The following CTNNA2 variants were observed in gnomAD, a reference collection of about 807,000 sequenced individuals.
CTNNA2 encodes the protein catenin alpha-2.
A neutral mutation model predicts 101.0 loss-of-function variants in CTNNA2; 42 were observed. The observed-to-expected ratio is 0.42, with a 90% CI of 0.32 to 0.54. CTNNA2 has a LOEUF of 0.54. Among genes scored for constraint, CTNNA2 ranks in the 20% least tolerant of loss-of-function variants. CTNNA2 has a pLI of 0.14. For missense variants in CTNNA2, 871 were observed against 1,223.1 expected (o/e 0.71, Z 4.29); for synonymous variants, 450 against 456.4 (o/e 0.99, Z 0.18).
chr2:80,505,617 T>G (rs1688215486), intron 9 of CTNNA2, among the ~76,000 whole-genome samples: 1 of 152,194 alleles, frequency 6.6e-6, no homozygotes, highest in African/African-American at 2.4e-5. Flanking sequence ...AGGGGTGATA[T>G]CTAAAGTTCC....
intron 2 of CTNNA2, among the ~76,000 whole-genome samples, chr2:79,282,328 A>G (rs1675412441): frequency 6.6e-6 from 1 of 152,042 alleles, no homozygotes; most frequent in Non-Finnish European, 1.5e-5. Flanking sequence ...ACATATGTAT[A>G]CATGTGCCAT....
chr2:79,750,159 G>T (rs1206320068), intron 3 of CTNNA2, among the ~76,000 whole-genome samples: 1 of 152,172 alleles, frequency 6.6e-6, no homozygotes, highest in Non-Finnish European at 1.5e-5. Flanking sequence ...TTGAAGCTCT[G>T]GACCAAGGAA....
At chr2:80,208,691 T>C (rs958909114) in intron 7 of CTNNA2, among the ~76,000 whole-genome samples, 2 of 152,216 alleles carry the variant, frequency 1.3e-5, no homozygotes, top group Non-Finnish European at 2.9e-5. Flanking sequence ...CATAGCTATA[T>C]GATTTGTTCT....
At chr2:80,318,362 T>G (rs6755232) in intron 7 of CTNNA2, among the ~76,000 whole-genome samples, 2 of 152,056 alleles carry the variant, frequency 1.3e-5, no homozygotes, top group Non-Finnish European at 2.9e-5. Context: ...CCTTTATGCC[T>G]TCTAGTTTGA....
At chr2:80,626,990 T>G (rs1055228181) in intron 18 of CTNNA2, among the ~76,000 whole-genome samples, 3 of 152,144 alleles carry the variant, frequency 2.0e-5, no homozygotes, top group Non-Finnish European at 4.4e-5. Context: ...TGTGTTAGTT[T>G]GCTGAGAATG....
intron 2 of CTNNA2, among the ~76,000 whole-genome samples, chr2:79,284,746 C>G (rs1306040609): frequency 6.6e-6 from 1 of 150,700 alleles, no homozygotes; most frequent in Non-Finnish European, 1.5e-5. Context: ...CTCTGCCTGG[C>G]CTTGGTATCC....
intron 7 of CTNNA2, among the ~76,000 whole-genome samples, chr2:80,333,406 A>G (rs1430451605): frequency 6.6e-6 from 1 of 152,120 alleles, no homozygotes; most frequent in African/African-American, 2.4e-5. Flanking sequence ...GAGTACTTAT[A>G]GTTTGTTTAG....
At chr2:79,775,490 G>T (rs117482503) in intron 3 of CTNNA2, among the ~76,000 whole-genome samples, 1 of 152,098 alleles carries the variant, frequency 6.6e-6, no homozygotes, top group Non-Finnish European at 1.5e-5. Context: ...TAAGTTCAGG[G>T]GTACATGTGC....
intron 1 of CTNNA2, among the ~76,000 whole-genome samples, chr2:79,599,018 T>A (rs1437988868): frequency 6.6e-6 from 1 of 152,200 alleles, no homozygotes; most frequent in Non-Finnish European, 1.5e-5. Flanking sequence ...TTTTTTAATG[T>A]GAATATCCAG....
chr2:80,542,891 T>A (rs1317429479), intron 9 of CTNNA2, among the ~76,000 whole-genome samples: 1 of 151,614 alleles, frequency 6.6e-6, no homozygotes, highest in Non-Finnish European at 1.5e-5. Context: ...CCCCCCCACA[T>A]GCCACTTTGG....
intron 1 of CTNNA2, among the ~76,000 whole-genome samples, chr2:79,648,531 C>T (rs1353843782): frequency 6.6e-6 from 1 of 152,122 alleles, no homozygotes; most frequent in Non-Finnish European, 1.5e-5. Context: ...AGTAGCAGGA[C>T]ATGCAGGATG....
rs142895829 is a variant in CTNNA2, at chr2:79,981,523, C to G, written c.1056+71726C>G. ...AATAGGAAAGAACTATGATGTGACA[C>G]TGACACCTGTAACTCGCTAACAGAG... On this transcript the variant is annotated intron_variant, in intron 7 of 18. Coordinates refer to ENST00000402739, the MANE Select transcript of CTNNA2 (RefSeq NM_001282597.3). Among the ~76,000 whole-genome samples, 23 of 152,270 alleles carry G rather than the reference C, an allele frequency of 1.5e-4. No individual in the cohort carries two copies. In the East Asian group the frequency reaches 3.5e-3, roughly 23 times the overall value.
chr2:80,307,690 G>A (rs1558991264), intron 7 of CTNNA2, among the ~76,000 whole-genome samples: 2 of 152,144 alleles, frequency 1.3e-5, no homozygotes, highest in East Asian at 3.9e-4. Flanking sequence ...TGCTTTATAT[G>A]CTTTGAAAAT....
At chr2:79,191,768 G>A (rs1673874302) in intron 1 of CTNNA2, among the ~76,000 whole-genome samples, 1 of 152,164 alleles carries the variant, frequency 6.6e-6, no homozygotes. Context: ...GGCTAGGAAT[G>A]TTCATGAGGG....
chr2:79,801,537 A>G (rs913270657), intron 3 of CTNNA2, among the ~76,000 whole-genome samples: 1 of 152,106 alleles, frequency 6.6e-6, no homozygotes, highest in Non-Finnish European at 1.5e-5. Flanking sequence ...TGATGTTGAG[A>G]TGCATTTTTC....
rs756853344 is a variant in CTNNA2, at chr2:80,302,520, C to T, written c.1057-90691C>T. ...ACGATGAGGAAGGAGAAGATGAGGG[C>T]CATGGTGCCCGTGACCACCTTGTGG... is the stretch of plus-strand genomic sequence containing the variant. On this transcript the variant is annotated intron_variant, in intron 7 of 18. Coordinates refer to ENST00000402739, the MANE Select transcript of CTNNA2 (RefSeq NM_001282597.3). This position sits in a 1 kb window ranked among gnomAD's most constrained non-coding sequence, Gnocchi z 6.4. 3.2e-5 allele frequency: 52 copies of T among 1,612,274 alleles called. No homozygotes were observed. The highest frequency in any genetic ancestry group is 4.1e-5 in the Non-Finnish European group (48 of 1,179,988).
intron 7 of CTNNA2, among the ~76,000 whole-genome samples, chr2:80,029,948 G>T (rs914216672): frequency 1.3e-5 from 2 of 152,080 alleles, no homozygotes; most frequent in Admixed American, 1.3e-4. Context: ...CCACATTAGT[G>T]TGGGCCTTGG....
At chr2:80,305,165 T>A in intron 7 of CTNNA2, 1 of 985,370 alleles carries the variant, frequency 1.0e-6, no homozygotes, top group Non-Finnish European at 1.2e-6. Context: ...ATTTGGGGCT[T>A]GGCTAAGATT....
intron 1 of CTNNA2, among the ~76,000 whole-genome samples, chr2:79,609,517 T>G (rs145512431): frequency 2.0e-3 from 301 of 152,194 alleles, no homozygotes; most frequent in African/African-American, 7.0e-3. Context: ...TATAAGTATG[T>G]TGGAGGACTA....
Sources: allele counts gnomAD v4.1 joint callset (sites outside exome capture counted in the v4.1 genomes callset), GRCh38; gene constraint gnomAD v4.1.1; non-coding constraint Gnocchi (gnomAD v3.1); transcripts MANE v1.5; gene names NCBI Gene and HGNC (gene_info 2026-07-23, HGNC 2026-07-21).